HPSE2: variants seen among roughly 807,000 people sequenced by gnomAD.
HPSE2 encodes the protein heparanase 2 (inactive), also known as inactive heparanase-2.
HPSE2 carries 38 observed loss-of-function variants against 60.5 expected under a neutral mutation model. That is an observed-to-expected ratio of 0.63 (90% CI 0.48 to 0.82). The LOEUF (loss-of-function observed/expected upper bound fraction) is 0.82, where lower values mean the gene tolerates loss of function less well. Ranked by LOEUF, HPSE2 falls within the 40% of genes least tolerant of loss-of-function variation. The pLI is 0.00. For missense variants in HPSE2, 713 were observed against 740.4 expected (o/e 0.96, Z 0.43); for synonymous variants, 295 against 293.2 (o/e 1.01, Z -0.06).
At chr10:99,260,793 C>G in the HPSE2 span, among the ~76,000 whole-genome samples, 2 of 152,178 alleles carry the variant, frequency 1.3e-5, no homozygotes, top group Non-Finnish European at 2.9e-5. Context: ...ATCCCCTTCT[C>G]CGTGTCTCTG....
At chr10:98,842,693 T>A (rs148871093) in intron 3 of HPSE2, among the ~76,000 whole-genome samples, 1,645 of 152,308 alleles carry the variant, frequency 0.011, 16 homozygotes, top group Non-Finnish European at 0.014. Flanking sequence ...TGAACCTACA[T>A]TGATTATCAT....
rs1249740397 is a variant in HPSE2, at chr10:98,457,174, A to C, written c.*2400T>G. ...TTTAATACACAGAGAAAGATAAAAG[A>C]AGCAGGAATTACCCATATTCTGCAA... On this transcript the variant is annotated 3_prime_UTR_variant, in exon 12 of 12. Transcript: ENST00000370552. 6.6e-6 allele frequency: 1 copy of C among 152,352 alleles called. No individual in the cohort carries two copies. The highest frequency in any genetic ancestry group is 1.5e-5 in the Non-Finnish European group (1 of 68,040). The allele number at this position is 152,352 out of a possible 1,614,324, so 9.4% of individuals were successfully genotyped here.
intron 3 of HPSE2, among the ~76,000 whole-genome samples, chr10:99,074,561 T>A (rs1384973016): frequency 6.6e-6 from 1 of 152,150 alleles, no homozygotes. Flanking sequence ...AGGGTAATGC[T>A]AGCCTCATAA....
chr10:99,315,245 A>C, the HPSE2 span, among the ~76,000 whole-genome samples: 1 of 152,232 alleles, frequency 6.6e-6, no homozygotes, highest in African/African-American at 2.4e-5. Context: ...TGACAGTTCC[A>C]TGATTTCCAT....
At chr10:99,033,236 G>A (rs1957536954) in intron 3 of HPSE2, among the ~76,000 whole-genome samples, 1 of 151,986 alleles carries the variant, frequency 6.6e-6, no homozygotes, top group Non-Finnish European at 1.5e-5. Flanking sequence ...ATTACTGGGT[G>A]GTGAAATGTT....
the HPSE2 span, among the ~76,000 whole-genome samples, chr10:99,249,947 G>A: frequency 6.6e-6 from 1 of 151,996 alleles, no homozygotes; most frequent in African/African-American, 2.4e-5. Flanking sequence ...TTCGAGACTA[G>A]CCTGGCCAAC....
chr10:98,488,697 C>T (rs1245338279), intron 10 of HPSE2, among the ~76,000 whole-genome samples: 1 of 152,176 alleles, frequency 6.6e-6, no homozygotes, highest in Non-Finnish European at 1.5e-5. Flanking sequence ...TGGGTGGTTA[C>T]CTCAGGGCCA....
chr10:99,221,575 T>G (rs1849315337), intron 2 of HPSE2, among the ~76,000 whole-genome samples: 1 of 152,148 alleles, frequency 6.6e-6, no homozygotes, highest in Non-Finnish European at 1.5e-5. Flanking sequence ...ATGAATTAAT[T>G]AAACACTTTG....
chr10:99,042,453 C>T (rs746249928), intron 3 of HPSE2, among the ~76,000 whole-genome samples: 19 of 152,086 alleles, frequency 1.2e-4, no homozygotes, highest in Non-Finnish European at 1.8e-4. Context: ...CCAACCACTA[C>T]GGTCCCCATT....
chr10:98,885,713 T>C (rs189976653), intron 3 of HPSE2, among the ~76,000 whole-genome samples: 2 of 152,260 alleles, frequency 1.3e-5, no homozygotes, highest in Admixed American at 6.5e-5. Context: ...TATGTACTTT[T>C]TAAAGACATA....
intron 3 of HPSE2, among the ~76,000 whole-genome samples, chr10:98,772,347 T>C (rs1376726856): frequency 6.6e-6 from 1 of 152,094 alleles, no homozygotes; most frequent in Non-Finnish European, 1.5e-5. Context: ...CTGAGGATGG[T>C]TGCCCCAATC....
chr10:99,291,662 C>T, the HPSE2 span, among the ~76,000 whole-genome samples: 1 of 151,476 alleles, frequency 6.6e-6, no homozygotes, highest in Non-Finnish European at 1.5e-5. Context: ...CATCCTATCT[C>T]GTTTTTTCTT....
At chr10:98,985,420 A>C (rs576958941) in intron 3 of HPSE2, among the ~76,000 whole-genome samples, 5 of 152,136 alleles carry the variant, frequency 3.3e-5, no homozygotes, top group African/African-American at 4.8e-5. Flanking sequence ...GAAATAAAAT[A>C]CTTTACAGAC....
intron 3 of HPSE2, among the ~76,000 whole-genome samples, chr10:98,878,984 T>C (rs1952947667): frequency 6.6e-6 from 1 of 151,960 alleles, no homozygotes. Context: ...ACTGTTTCTA[T>C]GTCTAGCAAC....
chr10:98,630,007 A>G (rs531506333), intron 7 of HPSE2, among the ~76,000 whole-genome samples: 34 of 152,268 alleles, frequency 2.2e-4, no homozygotes, highest in African/African-American at 7.7e-4. Context: ...ACGATAAAAT[A>G]AAGTTGAGAA....
At chr10:99,075,248 A>G (rs1266081642) in intron 3 of HPSE2, among the ~76,000 whole-genome samples, 4 of 152,032 alleles carry the variant, frequency 2.6e-5, no homozygotes, top group African/African-American at 4.8e-5. Flanking sequence ...TTCTCTCAAG[A>G]TATTTTCTAA....
At chr10:98,896,136 A>C (rs2134958998) in intron 3 of HPSE2, among the ~76,000 whole-genome samples, 1 of 152,220 alleles carries the variant, frequency 6.6e-6, no homozygotes, top group South Asian at 2.1e-4. Flanking sequence ...TCTCCTCTAA[A>C]GTAGTTCCCT....
At chr10:98,614,315 C>T (rs1210216533) in intron 9 of HPSE2, among the ~76,000 whole-genome samples, 3 of 140,960 alleles carry the variant, frequency 2.1e-5, no homozygotes, top group Non-Finnish European at 3.1e-5. Context: ...TTTTTTGAGA[C>T]GGAGTCTCGC....
At chr10:98,963,485 G>A (rs1173123648) in intron 3 of HPSE2, among the ~76,000 whole-genome samples, 2 of 152,016 alleles carry the variant, frequency 1.3e-5, no homozygotes, top group African/African-American at 4.8e-5. Flanking sequence ...CAACATGCTT[G>A]TTTTCAAAAT....
Sources: gnomAD v4.1 joint callset for allele counts (sites outside exome capture counted in the v4.1 genomes callset) on GRCh38, gnomAD v4.1.1 for gene constraint, MANE v1.5 for transcripts, NCBI Gene and HGNC (gene_info 2026-07-23, HGNC 2026-07-21) for gene names.